Variants in GPR107 observed in about 807,000 individuals in gnomAD.
The protein encoded by GPR107 is G protein-coupled receptor 107, also known as protein GPR107.
In GPR107, 31 loss-of-function variants were observed where a neutral mutation model predicts 75.5. The observed-to-expected ratio is 0.41, with a 90% confidence interval of 0.31 to 0.55. The LOEUF (loss-of-function observed/expected upper bound fraction) is 0.55. Among genes scored for constraint, GPR107 ranks in the 20% least tolerant of loss-of-function variants. The probability of loss-of-function intolerance (pLI) is 0.26; values close to 1 mark genes in which losing one functional copy is unlikely to be tolerated. For missense variants in GPR107, 572 were observed against 665.7 expected (o/e 0.86, Z 1.55); for synonymous variants, 267 against 251.3 (o/e 1.06, Z -0.59).
In GPR107 at chr9:130,136,850, G is replaced by A. The variant is rs990016007; in HGVS notation, c.*1729G>A. 7 of 152,152 alleles carry A rather than the reference G, an allele frequency of 4.6e-5. No individual in the cohort carries two copies. The highest frequency in any genetic ancestry group is 9.7e-5 in the African/African-American group (4 of 41,416). The allele number at this position is 152,152 out of a possible 1,614,324, so 9.4% of individuals were successfully genotyped here. A position where few individuals can be genotyped will look rare whatever the true frequency, so the allele number is the denominator to read the frequency against. On this transcript the variant is annotated 3_prime_UTR_variant, in exon 18 of 18. Coordinates refer to ENST00000347136, the MANE Select transcript of GPR107 (RefSeq NM_020960.5). ...CCCAGGCCACAGCTGCTCACCTCTC[G>A]GCAGATATTTTAGGCAAGCATCCGT... is the stretch of plus-strand genomic sequence containing the variant.
rs1831316999 is a variant in GPR107, at chr9:130,112,006, T to C, written c.1306+4467T>C. Among the ~76,000 whole-genome samples, 1 of 152,184 alleles carries C rather than the reference T, an allele frequency of 6.6e-6. No homozygotes were observed. Among genetic ancestry groups the C allele is most frequent in the African/African-American group, 2.4e-5 (1 of 41,450 alleles). On this transcript the variant is annotated intron_variant, in intron 14 of 17. Transcript: ENST00000347136. The surrounding 1 kb of genome is among the most constrained non-coding windows in gnomAD (Gnocchi z 4.0). ...CTCTGTCTCGCCTGCTAAGATTTAC[T>C]GGCTCTGACTGCCCTTGAGCCCGCA...
chr9:130,062,952 ACTC>A (rs1796791971), intron 1 of GPR107, among the ~76,000 whole-genome samples: 1 of 151,812 alleles, frequency 6.6e-6, no homozygotes, highest in African/African-American at 2.4e-5. Flanking sequence ...CTGGTCTTGA[ACTC>A]CTGGTCTCAA....
chr9:130,112,065 C>T lies in GPR107; in HGVS notation c.1306+4526C>T, dbSNP rs915622220. On this transcript the variant is annotated intron_variant, in intron 14 of 17. Coordinates refer to ENST00000347136, the MANE Select transcript of GPR107 (RefSeq NM_020960.5). This position sits in a 1 kb window ranked among gnomAD's most constrained non-coding sequence, Gnocchi z 4.0. ...CCCTTCTCTTTCTCCAGTGTCATTA[C>T]CTTATAGGACTGGCGTCGAGATACA... Among the ~76,000 whole-genome samples, 1 of 152,198 alleles carries T rather than the reference C, an allele frequency of 6.6e-6. No individual in the cohort carries two copies. Among genetic ancestry groups the T allele is most frequent in the Non-Finnish European group, 1.5e-5 (1 of 68,032 alleles).
chr9:130,072,580 T>C (rs920071289), intron 1 of GPR107, among the ~76,000 whole-genome samples: 1 of 152,164 alleles, frequency 6.6e-6, no homozygotes, highest in Non-Finnish European at 1.5e-5. Flanking sequence ...GTGCTGGGAT[T>C]ACTGCCATGA....
In GPR107 at chr9:130,100,626, C is replaced by T; in HGVS notation, c.940-3C>T. 2 of 1,607,554 alleles carry T rather than the reference C, an allele frequency of 1.2e-6. No individual in the cohort carries two copies. Among genetic ancestry groups the T allele is most frequent in the South Asian group, 1.1e-5 (1 of 90,940 alleles). ...ATTCTGAAATGCAGTTGTTTGATTT[C>T]AGATTGACTACCACTACATCTCCTC... On this transcript the variant is annotated splice_polypyrimidine_tract_variant and splice_region_variant and intron_variant, in intron 10 of 17. Transcript: ENST00000347136.
intron 12 of GPR107, among the ~76,000 whole-genome samples, chr9:130,101,925 C>T (rs1354560983): frequency 6.6e-6 from 1 of 152,160 alleles, no homozygotes; most frequent in African/African-American, 2.4e-5. Context: ...AAGGGGACAA[C>T]TCCTGAGGCA....
At chr9:130,127,161 T>C (rs1335690423) in intron 15 of GPR107, among the ~76,000 whole-genome samples, 1 of 152,184 alleles carries the variant, frequency 6.6e-6, no homozygotes, top group African/African-American at 2.4e-5. Flanking sequence ...ATAAAATCTT[T>C]GGAGATTGAA....
chr9:130,062,660 GCCTTCCTT>G (rs1199165645), intron 1 of GPR107, among the ~76,000 whole-genome samples: 16 of 69,108 alleles, frequency 2.3e-4, no homozygotes, highest in South Asian at 5.2e-4. Flanking sequence ...CTGCCTGCCT[GCCTTCCTT>G]CCTTCCTTCC....
chr9:130,125,914 G>A (rs1368207994), intron 15 of GPR107, among the ~76,000 whole-genome samples: 1 of 152,040 alleles, frequency 6.6e-6, no homozygotes, highest in East Asian at 1.9e-4. Context: ...AATTAGCTGG[G>A]CATGGTGGCG....
chr9:130,114,029 C>CTTTTTTTTTTTTTTTTT (rs60616601), intron 14 of GPR107, among the ~76,000 whole-genome samples: 8 of 90,670 alleles, frequency 8.8e-5, no homozygotes, highest in African/African-American at 1.3e-4. Context: ...TCTTCTCATT[C>CTTTTTTTTTTTTTTTTT]TTTTTTTTTT....
At chr9:130,077,506 A>G in intron 4 of GPR107, 128 bp downstream of exon 4, 1 of 639,334 alleles carries the variant, frequency 1.6e-6, no homozygotes, top group South Asian at 1.8e-5. Flanking sequence ...GATTCAAGAC[A>G]AGGCTAGGGA....
At position 130,093,826 on chromosome 9, in the gene GPR107, T is replaced by C. The variant is rs997239957; in HGVS notation, c.863+1445T>C. ...CAAGACCCCCATTTCTTTTTTTTTT[T>C]CAAGATGGATTCTCACTCTCTCCCC... is the stretch of plus-strand genomic sequence containing the variant. On this transcript the variant is annotated intron_variant, in intron 9 of 17. Transcript: ENST00000347136. 1.1e-4 allele frequency among the ~76,000 whole-genome samples: 16 copies of C among 152,052 alleles called. No individual in the cohort carries two copies. The South Asian group carries it at 2.9e-3, about 28-fold the overall frequency.
At chr9:130,121,643 C>T (rs74400402) in intron 14 of GPR107, among the ~76,000 whole-genome samples, 1,549 of 152,366 alleles carry the variant, frequency 0.01, 27 homozygotes, top group African/African-American at 0.035. Context: ...CAGCACTCTC[C>T]GCATTGCCTT....
intron 1 of GPR107, among the ~76,000 whole-genome samples, chr9:130,068,622 A>G (rs1302731284): frequency 6.6e-6 from 1 of 152,198 alleles, no homozygotes; most frequent in Non-Finnish European, 1.5e-5. Flanking sequence ...GACTGAAAGC[A>G]GTTTAATATG....
intron 17 of GPR107, 47 bp from the exon 18 acceptor site, chr9:130,134,978 T>A (rs781822516): frequency 1.1e-5 from 12 of 1,098,204 alleles, no homozygotes; most frequent in African/African-American, 1.5e-5. Flanking sequence ...GGCCTTTTAC[T>A]AAGAGACTGT....
At chr9:130,119,121 A>G (rs538812496) in intron 14 of GPR107, among the ~76,000 whole-genome samples, 23 of 152,314 alleles carry the variant, frequency 1.5e-4, no homozygotes, top group African/African-American at 4.8e-4. Flanking sequence ...TGGAAGAACA[A>G]TGGAGGGAGT....
chr9:130,114,029 C>CTTTTTTTTTTTTTTTTTTTTTTTTTTT (rs60616601), intron 14 of GPR107, among the ~76,000 whole-genome samples: 3 of 90,660 alleles, frequency 3.3e-5, no homozygotes, highest in Non-Finnish European at 6.1e-5. Flanking sequence ...TCTTCTCATT[C>CTTTTTTTTTTTTTTTTTTTTTTTTTTT]TTTTTTTTTT....
chr9:130,134,322 C>G (rs1222540004), intron 17 of GPR107, among the ~76,000 whole-genome samples: 2 of 152,212 alleles, frequency 1.3e-5, no homozygotes, highest in Non-Finnish European at 2.9e-5. Context: ...TTGCTCAGCT[C>G]CTCATGCCCT....
intron 14 of GPR107, among the ~76,000 whole-genome samples, chr9:130,120,161 C>A (rs1429141469): frequency 6.6e-6 from 1 of 152,212 alleles, no homozygotes; most frequent in Non-Finnish European, 1.5e-5. Flanking sequence ...AAAGACAGCA[C>A]TTGTTGTCCC....
Sources: gnomAD v4.1 joint callset for allele counts (sites outside exome capture counted in the v4.1 genomes callset) on GRCh38, gnomAD v4.1.1 for gene constraint, Gnocchi (gnomAD v3.1) non-coding constraint, MANE v1.5 for transcripts, NCBI Gene and HGNC (gene_info 2026-07-23, HGNC 2026-07-21) for gene names.